PATJ: variants seen among roughly 807,000 people sequenced by gnomAD.
PATJ encodes the protein inaD-like protein.
Under a neutral mutation model 224.9 loss-of-function variants are expected in PATJ, and 190 were observed. The observed-to-expected ratio is 0.84, with a 90% confidence interval of 0.75 to 0.95. PATJ has a LOEUF of 0.95. Among genes scored for constraint, PATJ ranks in the 40% least tolerant of loss-of-function variants. The pLI, the probability that PATJ is intolerant of heterozygous loss-of-function variation, is 0.00. For missense variants in PATJ, 2,121 were observed against 2,270.3 expected (o/e 0.93, Z 1.34); for synonymous variants, 769 against 820.3 (o/e 0.94, Z 1.07).
In PATJ at chr1:61,801,735, A is replaced by T. The variant is rs1185628048; in HGVS notation, c.1515A>T (p.Leu505Phe). 1.3e-6 allele frequency: 2 copies of T among 1,599,406 alleles called. No homozygotes were observed. The highest frequency in any genetic ancestry group is 2.2e-5 in the East Asian group (1 of 44,732). The change falls in exon 12 of 44, where the codon TTA becomes TTT. Residue 505 changes from leucine (L) to phenylalanine (F), a missense_variant. Coordinates refer to ENST00000642238, the MANE Select transcript of PATJ (RefSeq NM_001350145.3). ...DEEIKERIDT[L>F]KNDNIQALEK... ...AAATTAAAGAAAGAATTGATACTTT[A>T]AAAAATGACAACATACAAGCCTTAG... is the stretch of plus-strand genomic sequence containing the variant.
intron 26 of PATJ, among the ~76,000 whole-genome samples, chr1:61,920,445 T>A (rs911262436): frequency 1.3e-5 from 2 of 152,154 alleles, no homozygotes; most frequent in Non-Finnish European, 2.9e-5. Flanking sequence ...GGTGACTTGC[T>A]CCTCCTTGCT....
chr1:61,755,072 C>G (rs1465297662), intron 1 of PATJ, among the ~76,000 whole-genome samples: 7 of 151,854 alleles, frequency 4.6e-5, no homozygotes, highest in Admixed American at 4.6e-4. Context: ...CTTTGGGAGG[C>G]CGAGGCGGGT....
chr1:61,944,884 G>T (rs183110223), intron 27 of PATJ, among the ~76,000 whole-genome samples: 1 of 152,330 alleles, frequency 6.6e-6, no homozygotes, highest in East Asian at 1.9e-4. Context: ...TCTCTCAGCA[G>T]AGACTCTACA....
At chr1:62,105,470 C>T (rs1040408886) in intron 33 of PATJ, among the ~76,000 whole-genome samples, 3 of 152,136 alleles carry the variant, frequency 2.0e-5, no homozygotes, top group Admixed American at 6.5e-5. Flanking sequence ...AGTTTCTCCT[C>T]GTACTACCTT....
At chr1:61,777,641 T>C (rs1344716697) in intron 7 of PATJ, among the ~76,000 whole-genome samples, 1 of 151,900 alleles carries the variant, frequency 6.6e-6, no homozygotes, top group Admixed American at 6.6e-5. Flanking sequence ...ATGTCGGTAT[T>C]TGGAAGGTCT....
rs778711822 is a variant in PATJ, at chr1:62,114,053, G to A, written c.4462G>A (p.Val1488Ile). ...CAGCTCAGGATGCCCATTGTTCCAG[G>A]TTAATGGGGTTGACCTGAGGAACTC... is the stretch of plus-strand genomic sequence containing the variant. ...RLWAGDQILE[V>I]NGVDLRNSSH... Residue 1488 changes from valine to isoleucine, a missense_variant and splice_region_variant, in exon 35 of 44, where the codon GTT (valine) becomes ATT (isoleucine). Coordinates refer to ENST00000642238, the MANE Select transcript of PATJ (RefSeq NM_001350145.3). 1.2e-6 allele frequency: 2 copies of A among 1,613,872 alleles called. No individual in the cohort carries two copies. The highest frequency in any genetic ancestry group is 1.7e-6 in the Non-Finnish European group (2 of 1,179,838).
At chr1:62,095,612 G>A (rs917755313) in intron 33 of PATJ, among the ~76,000 whole-genome samples, 6 of 152,212 alleles carry the variant, frequency 3.9e-5, no homozygotes, top group African/African-American at 1.4e-4. Flanking sequence ...TTGTCAACAT[G>A]AGTCCTGTCA....
chr1:61,864,583 A>G lies in PATJ; in HGVS notation c.2785A>G (p.Thr929Ala), dbSNP rs569524819. 1 of 1,609,610 alleles carries G rather than the reference A, an allele frequency of 6.2e-7. No individual in the cohort carries two copies. Among genetic ancestry groups the G allele is most frequent in the African/African-American group, 1.3e-5 (1 of 75,030 alleles). ...GTCTCAAGAGGCAAGAACCGGGAGG[A>G]CTGTCTATTCCCAGGAGGCACAGCC... is the stretch of plus-strand genomic sequence containing the variant. ...SESQEARTGR[T>A]VYSQEAQPYG... The change falls in exon 20 of 44, where the codon ACT (threonine) becomes GCT (alanine). Residue 929 changes from threonine (T) to alanine (A), a missense_variant. Coordinates refer to ENST00000642238, the MANE Select transcript of PATJ (RefSeq NM_001350145.3).
At chr1:61,915,105 T>A (rs940163185) in intron 26 of PATJ, among the ~76,000 whole-genome samples, 5 of 152,240 alleles carry the variant, frequency 3.3e-5, no homozygotes, top group African/African-American at 1.2e-4. Flanking sequence ...GAATTAATCC[T>A]CCATTCCTGT....
At chr1:62,033,791 G>A (rs768994865) in intron 29 of PATJ, among the ~76,000 whole-genome samples, 12 of 152,204 alleles carry the variant, frequency 7.9e-5, no homozygotes, top group Middle Eastern at 3.4e-3. Flanking sequence ...TCTTTTTTCT[G>A]CCTTATTAAG....
At chr1:61,751,419 G>T (rs565102152) in intron 1 of PATJ, among the ~76,000 whole-genome samples, 133 of 152,222 alleles carry the variant, frequency 8.7e-4, no homozygotes, top group African/African-American at 3.1e-3. Flanking sequence ...GAATGCCCAG[G>T]TCTTTTTAGT....
rs117066689 is a variant in PATJ, at chr1:61,785,149, C to T, written c.850-2605C>T. ...CCTTCAGATTGTCGTCTTTAGCTTGCGGTGGTGCCACCTGGAACTAGGAAT... is the reference window on the plus strand; with the variant it reads ...CCTTCAGATTGTCGTCTTTAGCTTGTGGTGGTGCCACCTGGAACTAGGAAT... On this transcript the variant is annotated intron_variant, in intron 7 of 43. Transcript: ENST00000642238. 2.9e-4 allele frequency among the ~76,000 whole-genome samples: 44 copies of T among 152,268 alleles called. 1 individual carries two copies. The East Asian group carries it at 3.3e-3, about 11-fold the overall frequency.
At chr1:61,817,090 C>T (rs1656254589) in intron 14 of PATJ, among the ~76,000 whole-genome samples, 1 of 152,184 alleles carries the variant, frequency 6.6e-6, no homozygotes, top group African/African-American at 2.4e-5. Flanking sequence ...TTGAACTATG[C>T]TCTGAAGAAT....
At chr1:61,809,213 C>T (rs1284088129) in intron 14 of PATJ, among the ~76,000 whole-genome samples, 1 of 152,004 alleles carries the variant, frequency 6.6e-6, no homozygotes, top group African/African-American at 2.4e-5. Context: ...AAGCAGAGGC[C>T]AGGGCAATTG....
chr1:62,071,504 T>C (rs1657400077), intron 31 of PATJ, among the ~76,000 whole-genome samples: 1 of 150,108 alleles, frequency 6.7e-6, no homozygotes, highest in African/African-American at 2.4e-5. Flanking sequence ...TTTTTTTTTT[T>C]TTTTTTGAGA....
At chr1:61,779,314 C>G (rs1269227093) in intron 7 of PATJ, among the ~76,000 whole-genome samples, 1 of 152,152 alleles carries the variant, frequency 6.6e-6, no homozygotes, top group Non-Finnish European at 1.5e-5. Context: ...ATGTTGTAGT[C>G]TTGTGTTTGA....
chr1:62,052,859 C>A (rs1391618586), intron 31 of PATJ, among the ~76,000 whole-genome samples: 1 of 152,152 alleles, frequency 6.6e-6, no homozygotes, highest in Non-Finnish European at 1.5e-5. Flanking sequence ...AAATTTCAAA[C>A]CGAAAGCCCC....
chr1:61,920,489 T>C (rs922564470), intron 26 of PATJ, among the ~76,000 whole-genome samples: 1 of 152,162 alleles, frequency 6.6e-6, no homozygotes, highest in Non-Finnish European at 1.5e-5. Flanking sequence ...TCCTGCCTCA[T>C]GGAAATGTAA....
In PATJ at chr1:61,847,940, G is replaced by GT. The variant is rs10707299; in HGVS notation, c.2113-8081dup. On this transcript the variant is annotated intron_variant, in intron 17 of 43. Coordinates refer to ENST00000642238, the MANE Select transcript of PATJ (RefSeq NM_001350145.3). ...GACATGCTGTCATATGTATTTTGTT[G>GT]TTTTTTTTTATAGTAAATACCCTTT... Among the ~76,000 whole-genome samples the GT allele has an allele frequency of 5.1e-3, 771 of 151,914 alleles. 6 individuals carry two copies. Among genetic ancestry groups the GT allele is most frequent in the African/African-American group, 0.014 (595 of 41,378 alleles).
Sources: allele counts gnomAD v4.1 joint callset (sites outside exome capture counted in the v4.1 genomes callset), GRCh38; gene constraint gnomAD v4.1.1; transcripts MANE v1.5; gene names NCBI Gene and HGNC (gene_info 2026-07-23, HGNC 2026-07-21).